PDE7A: variants seen among roughly 807,000 people sequenced by gnomAD.
The protein encoded by PDE7A is high affinity 3',5'-cyclic-AMP phosphodiesterase 7A.
Under a neutral mutation model 64.3 loss-of-function variants are expected in PDE7A, and 39 were observed. That is an observed-to-expected ratio of 0.61 (90% CI 0.47 to 0.79). The LOEUF (loss-of-function observed/expected upper bound fraction) is 0.79. PDE7A is among the 30% of genes least tolerant of loss of function. The pLI is 0.00. For missense variants in PDE7A, 470 were observed against 582.8 expected (o/e 0.81, Z 1.99); for synonymous variants, 203 against 206.8 (o/e 0.98, Z 0.16).
At chr8:65,756,534 A>C (rs1808248313) in intron 3 of PDE7A, among the ~76,000 whole-genome samples, 1 of 152,114 alleles carries the variant, frequency 6.6e-6, no homozygotes, top group Admixed American at 6.5e-5. Context: ...TTTCAACAGC[A>C]GATTTTTCAT....
intron 4 of PDE7A, among the ~76,000 whole-genome samples, chr8:65,747,272 A>G (rs538173422): frequency 1.3e-5 from 2 of 152,308 alleles, no homozygotes; most frequent in Non-Finnish European, 2.9e-5. Flanking sequence ...GGGCGCAAAC[A>G]AGTCCCTCGT....
chr8:65,773,204 C>A (rs1379477010), intron 3 of PDE7A, among the ~76,000 whole-genome samples: 3 of 152,056 alleles, frequency 2.0e-5, no homozygotes, highest in Non-Finnish European at 4.4e-5. Flanking sequence ...ATTACAATTT[C>A]AAAAAGAATT....
chr8:65,771,884 CAAAAAAAAAAAA>C (rs36101490), intron 3 of PDE7A, among the ~76,000 whole-genome samples: 8 of 55,836 alleles, frequency 1.4e-4, no homozygotes, highest in Non-Finnish European at 3.0e-4. Context: ...CTCCATCTCT[CAAAAAAAAAAAA>C]AAAAAAAAAA....
At chr8:65,827,355 C>A (rs1810703603) in intron 1 of PDE7A, among the ~76,000 whole-genome samples, 2 of 152,062 alleles carry the variant, frequency 1.3e-5, no homozygotes, top group Admixed American at 1.3e-4. Context: ...TGATCTTAAG[C>A]CGTAATTTTT....
At chr8:65,807,390 A>G (rs578143134) in intron 1 of PDE7A, among the ~76,000 whole-genome samples, 14 of 152,336 alleles carry the variant, frequency 9.2e-5, no homozygotes, top group Admixed American at 9.1e-4. Flanking sequence ...GCATCCTGCA[A>G]CTTTGCTAAA....
chr8:65,724,727 C>A, intron 10 of PDE7A, 50 bp downstream of exon 10: 2 of 1,455,262 alleles, frequency 1.4e-6, no homozygotes, highest in Non-Finnish European at 1.9e-6. Context: ...TTTAGTTTGA[C>A]AGTCACATAA....
intron 3 of PDE7A, among the ~76,000 whole-genome samples, chr8:65,758,799 A>T (rs1339710561): frequency 6.6e-6 from 1 of 152,110 alleles, no homozygotes; most frequent in African/African-American, 2.4e-5. Flanking sequence ...CACTCTAAGC[A>T]TTTGCATCTT....
chr8:65,723,491 A>T (rs1324230992), intron 12 of PDE7A, 50 bp downstream of exon 12: 3 of 1,374,240 alleles, frequency 2.2e-6, no homozygotes, highest in Non-Finnish European at 2.9e-6. Context: ...CCTTCTTGAT[A>T]AAAACAGTGG....
In PDE7A at chr8:65,842,040, C is replaced by G. The variant is rs1046850585; in HGVS notation, c.-532G>C. On this transcript the variant is annotated 5_prime_UTR_variant, in exon 1 of 13. Coordinates refer to ENST00000401827, the MANE Select transcript of PDE7A (RefSeq NM_001242318.3). ...CCCGGAGCCTGACTTCACTCCGCCG[C>G]CGGCGCGAGCCCGGCGTAATTCACA... 5.0e-6 allele frequency: 1 copy of G among 201,918 alleles called. No individual in the cohort carries two copies. The highest frequency in any genetic ancestry group is 9.7e-6 in the Non-Finnish European group (1 of 103,200). 12.5% of individuals were successfully genotyped at this position (201,918 alleles called of 1,614,324 possible). A position where few individuals can be genotyped will look rare whatever the true frequency, so the allele number is the denominator to read the frequency against.
chr8:65,768,080 C>T (rs1808884620), intron 3 of PDE7A, among the ~76,000 whole-genome samples: 1 of 152,114 alleles, frequency 6.6e-6, no homozygotes, highest in Non-Finnish European at 1.5e-5. Flanking sequence ...GTGTCCACCG[C>T]TTGGTGTGTT....
chr8:65,774,866 C>A (rs1371437799), intron 3 of PDE7A, among the ~76,000 whole-genome samples: 5 of 152,110 alleles, frequency 3.3e-5, no homozygotes, highest in African/African-American at 9.7e-5. Flanking sequence ...TGAGACATCA[C>A]ACATCATGCA....
chr8:65,753,346 C>A (rs1808057223), intron 3 of PDE7A, among the ~76,000 whole-genome samples: 1 of 152,174 alleles, frequency 6.6e-6, no homozygotes, highest in African/African-American at 2.4e-5. Context: ...AAATGGCTCT[C>A]TCCTTCTCTG....
intron 3 of PDE7A, among the ~76,000 whole-genome samples, chr8:65,754,206 T>G (rs1808106941): frequency 6.6e-6 from 1 of 152,050 alleles, no homozygotes; most frequent in Admixed American, 6.6e-5. Context: ...TTCTGCTTGC[T>G]TTATAGTCTA....
At chr8:65,801,506 T>G (rs1809985730) in intron 1 of PDE7A, among the ~76,000 whole-genome samples, 1 of 151,914 alleles carries the variant, frequency 6.6e-6, no homozygotes, top group African/African-American at 2.4e-5. Flanking sequence ...GAACAAAAAC[T>G]GACAAAGCCA....
intron 4 of PDE7A, among the ~76,000 whole-genome samples, chr8:65,747,397 G>C (rs552160455): frequency 2.6e-5 from 4 of 152,004 alleles, no homozygotes; most frequent in African/African-American, 9.7e-5. Flanking sequence ...ATGTTTTATT[G>C]ATCTCCTTGT....
intron 5 of PDE7A, among the ~76,000 whole-genome samples, 163 bp downstream of exon 5, chr8:65,745,244 C>T (rs770434580): frequency 7.2e-5 from 11 of 152,174 alleles, no homozygotes; most frequent in East Asian, 1.9e-4. Flanking sequence ...TACCCAGTCT[C>T]GGGTATGTCT....
chr8:65,836,414 T>G (rs542696696), intron 1 of PDE7A, among the ~76,000 whole-genome samples: 2 of 152,280 alleles, frequency 1.3e-5, no homozygotes, highest in East Asian at 3.9e-4. Flanking sequence ...AGTAGCAAAA[T>G]GTTTATAAAA....
chr8:65,754,917 A>G (rs1808151958), intron 3 of PDE7A, among the ~76,000 whole-genome samples: 1 of 150,088 alleles, frequency 6.7e-6, no homozygotes, highest in Non-Finnish European at 1.5e-5. Flanking sequence ...GTGAGCCGAG[A>G]TCGCGCCACT....
chr8:65,726,652 C>T (rs1302641081), intron 9 of PDE7A, among the ~76,000 whole-genome samples: 2 of 151,952 alleles, frequency 1.3e-5, no homozygotes, highest in Non-Finnish European at 2.9e-5. Flanking sequence ...GTATTCAAAC[C>T]CATGGAATAG....
Sources: allele counts gnomAD v4.1 joint callset (sites outside exome capture counted in the v4.1 genomes callset), GRCh38; gene constraint gnomAD v4.1.1; transcripts MANE v1.5; gene names NCBI Gene and HGNC (gene_info 2026-07-23, HGNC 2026-07-21).